Variants in C17orf75 observed in about 807,000 individuals in gnomAD.
C17orf75 encodes protein Njmu-R1.
C17orf75 carries 32 observed loss-of-function variants against 49.6 expected under a neutral mutation model. The ratio of observed to expected loss-of-function variants is 0.65; its 90% confidence interval spans 0.49 to 0.87. C17orf75 has a LOEUF of 0.87. Among genes scored for constraint, C17orf75 ranks in the 40% least tolerant of loss-of-function variants. C17orf75 has a pLI of 0.00. For missense variants in C17orf75, 428 were observed against 473.9 expected, an observed-to-expected ratio of 0.90 and a Z score of 0.90; for synonymous variants, 158 against 159.5, an observed-to-expected ratio of 0.99 and a Z score of 0.07.
chr17:32,328,821 C>T lies in C17orf75; in HGVS notation c.*2942G>A, dbSNP rs1011453528. 6.6e-5 allele frequency: 10 copies of T among 151,540 alleles called. No homozygotes were observed. The highest frequency in any genetic ancestry group is 2.4e-4 in the African/African-American group (10 of 41,238). The allele number at this position is 151,540 out of a possible 1,614,324, so 9.4% of individuals were successfully genotyped here. The stretch of plus-strand genomic sequence containing the variant: ...AGGAGAATCACTTGAACCTGGGAGG[C>T]AGAGGTTGCAGTGAGCCAAGATTGC... On this transcript the variant is annotated 3_prime_UTR_variant, in exon 10 of 10. Coordinates refer to ENST00000577809, the MANE Select transcript of C17orf75 (RefSeq NM_022344.4).
chr17:32,332,009 T>TTAAG (rs1475139469), intron 9 of C17orf75, 31 bp from the exon 10 acceptor site: 2 of 1,546,556 alleles, frequency 1.3e-6, no homozygotes, highest in African/African-American at 2.7e-5. Context: ...TAAAAATGTG[T>TTAAG]TAAGTGAAAT....
At position 32,334,530 on chromosome 17, in the gene C17orf75, C is replaced by T. The variant is rs758555466; in HGVS notation, c.810G>A (p.Glu270=). The T allele has an allele frequency of 1.2e-6, 2 of 1,612,458 alleles. No individual in the cohort carries two copies. The highest frequency in any genetic ancestry group is 2.2e-5 in the South Asian group (2 of 90,610). The stretch of plus-strand genomic sequence containing the variant: ...CGATGACCACAGACTTATGCTGCTC[C>T]TCTGTCATGGCCATGCACAAAGAAG... ...TMTSLCMAMT[E]EQHKSVVIDC... Residue 270 remains glutamate (E), a synonymous_variant, in exon 8 of 10, where the codon GAG becomes GAA. Coordinates refer to ENST00000577809, the MANE Select transcript of C17orf75 (RefSeq NM_022344.4).
At chr17:32,347,347 C>T (rs930043879) in intron 1 of C17orf75, among the ~76,000 whole-genome samples, 6 of 151,778 alleles carry the variant, frequency 4.0e-5, no homozygotes, top group South Asian at 2.1e-4. Flanking sequence ...GGCGCAATCT[C>T]GGCTCACTAC....
At chr17:32,337,443 A>G (rs578031337) in intron 5 of C17orf75, among the ~76,000 whole-genome samples, 98 of 152,084 alleles carry the variant, frequency 6.4e-4, no homozygotes, top group Non-Finnish European at 1.0e-3. Context: ...AGCCTGGGCA[A>G]CAAAGCAAGA....
chr17:32,347,100 A>G (rs2041430974), upstream of C17orf75, among the ~76,000 whole-genome samples: 1 of 152,040 alleles, frequency 6.6e-6, no homozygotes, highest in South Asian at 2.1e-4. Flanking sequence ...AGCTGGGATG[A>G]CAGGCACCCA....
Position 32,341,302 on chromosome 17 carries a change from A to G in C17orf75, c.141-18T>C, listed in dbSNP as rs1377038893. ...GTGCCAATCTACAAGCCACAAAACC[A>G]ATAGTGCTATCAATTATGGGCTCTA... On this transcript the variant is annotated intron_variant, in intron 1 of 9. Coordinates refer to ENST00000577809, the MANE Select transcript of C17orf75 (RefSeq NM_022344.4). 4.3e-6 allele frequency: 7 copies of G among 1,613,642 alleles called. No homozygotes were observed. The highest frequency in any genetic ancestry group is 4.2e-6 in the Non-Finnish European group (5 of 1,179,752).
chr17:32,337,011 C>T (rs1206810730), intron 5 of C17orf75, among the ~76,000 whole-genome samples: 1 of 152,068 alleles, frequency 6.6e-6, no homozygotes, highest in Admixed American at 6.6e-5. Context: ...ATTAGCTGGG[C>T]ATGGTGGTGC....
intron 1 of C17orf75, among the ~76,000 whole-genome samples, chr17:32,349,574 T>C (rs2041464256): frequency 1.3e-5 from 2 of 152,134 alleles, no homozygotes; most frequent in South Asian, 2.1e-4. Flanking sequence ...GAGCGAGACT[T>C]GGTCTCAGAA....
rs1233344954 is a variant in C17orf75 at position 32,328,587 on chromosome 17, C to A, written c.*3176G>T. ...AAATATATTCCATGTCTGAACAAAT[C>A]CTTTTTAAAACTTTAAAAGCTGGCT... is the stretch of plus-strand genomic sequence containing the variant. On this transcript the variant is annotated 3_prime_UTR_variant, in exon 10 of 10. Transcript: ENST00000577809. 6.6e-6 allele frequency: 1 copy of A among 152,176 alleles called. No homozygotes were observed. The highest frequency in any genetic ancestry group is 1.9e-4 in the East Asian group (1 of 5,198). 9.4% of individuals were successfully genotyped at this position (152,176 alleles called of 1,614,324 possible).
At chr17:32,349,829 A>G in intron 1 of C17orf75, 1 of 781,632 alleles carries the variant, frequency 1.3e-6, no homozygotes, top group Non-Finnish European at 1.6e-6. Context: ...CAATTGAAAC[A>G]AAATTAAAAT....
intron 5 of C17orf75, 121 bp from the exon 6 acceptor site, chr17:32,335,563 C>T (rs1199991477): frequency 5.8e-6 from 7 of 1,202,564 alleles, no homozygotes; most frequent in Non-Finnish European, 8.0e-6. Flanking sequence ...CTTTTTAAAG[C>T]TAACACCACC....
At chr17:32,347,419 C>T (rs1248477467) in intron 1 of C17orf75, among the ~76,000 whole-genome samples, 1 of 152,146 alleles carries the variant, frequency 6.6e-6, no homozygotes, top group East Asian at 1.9e-4. Context: ...GCTGGGATTA[C>T]AGGCGCCCGC....
intron 1 of C17orf75, among the ~76,000 whole-genome samples, chr17:32,348,714 C>CTCA (rs2041448364): frequency 6.6e-6 from 1 of 152,126 alleles, no homozygotes; most frequent in African/African-American, 2.4e-5. Flanking sequence ...CTTGCATGAT[C>CTCA]CTCCAGTTGC....
At chr17:32,332,297 C>A (rs2041282683) in intron 9 of C17orf75, among the ~76,000 whole-genome samples, 1 of 152,120 alleles carries the variant, frequency 6.6e-6, no homozygotes, top group South Asian at 2.1e-4. Context: ...TGTGTGCCAC[C>A]ACACCAGGCT....
At chr17:32,340,029 C>T in intron 2 of C17orf75, 91 bp from the exon 3 acceptor site, 1 of 1,472,982 alleles carries the variant, frequency 6.8e-7, no homozygotes. Flanking sequence ...GCCAGGGGCT[C>T]TTTTAAGGAC....
chr17:32,345,893 T>C (rs1436716008), upstream of C17orf75, among the ~76,000 whole-genome samples: 1 of 152,136 alleles, frequency 6.6e-6, no homozygotes, highest in Non-Finnish European at 1.5e-5. Flanking sequence ...TACTGGAGAA[T>C]GGTATTACAA....
At chr17:32,336,546 A>G (rs1348584002) in intron 5 of C17orf75, among the ~76,000 whole-genome samples, 1 of 152,212 alleles carries the variant, frequency 6.6e-6, no homozygotes, top group African/African-American at 2.4e-5. Flanking sequence ...GTTGATATGG[A>G]TATGCCTAAT....
At chr17:32,338,781 T>G (rs368343949) in intron 3 of C17orf75, among the ~76,000 whole-genome samples, 24 of 152,084 alleles carry the variant, frequency 1.6e-4, no homozygotes, top group African/African-American at 5.5e-4. Context: ...ACGGTCTGAG[T>G]TGAACTAGAA....
Position 32,329,538 on chromosome 17 carries a change from G to A in C17orf75, c.*2225C>T, listed in dbSNP as rs2041258162. On this transcript the variant is annotated 3_prime_UTR_variant, in exon 10 of 10. Coordinates refer to ENST00000577809, the MANE Select transcript of C17orf75 (RefSeq NM_022344.4). Reference sequence around the variant, plus strand: ...AGATAAAATAAGACTATCATATAGAGCTGTGTAATGTAGTGAGCCTACATT... The same window carrying A: ...AGATAAAATAAGACTATCATATAGAACTGTGTAATGTAGTGAGCCTACATT... 1 of 151,308 alleles carries A rather than the reference G, an allele frequency of 6.6e-6. No individual in the cohort carries two copies. The highest frequency in any genetic ancestry group is 1.5e-5 in the Non-Finnish European group (1 of 67,924). 9.4% of individuals were successfully genotyped at this position (151,308 alleles called of 1,614,324 possible).
Sources: allele counts gnomAD v4.1 joint callset (sites outside exome capture counted in the v4.1 genomes callset), GRCh38; gene constraint gnomAD v4.1.1; transcripts MANE v1.5; gene names NCBI Gene and HGNC (gene_info 2026-07-23, HGNC 2026-07-21).